Variants in TBC1D22B observed in about 807,000 individuals in gnomAD.
The protein encoded by TBC1D22B is chromosome 6 open reading frame 197.
A neutral mutation model predicts 69.1 loss-of-function variants in TBC1D22B; 32 were observed. That is an observed-to-expected ratio of 0.46 (90% CI 0.35 to 0.62). The LOEUF (loss-of-function observed/expected upper bound fraction) is 0.62, where lower values mean the gene tolerates loss of function less well. TBC1D22B is among the 20% of genes least tolerant of loss of function. The probability of loss-of-function intolerance (pLI) is 0.00; values close to 1 mark genes in which losing one functional copy is unlikely to be tolerated. For missense variants in TBC1D22B, 462 were observed against 630.9 expected, an observed-to-expected ratio of 0.73 and a Z score of 2.87; for synonymous variants, 206 against 229.8, an observed-to-expected ratio of 0.90 and a Z score of 0.94.
chr6:37,259,956 A>G (rs1215288921), intron 1 of TBC1D22B, among the ~76,000 whole-genome samples: 1 of 152,216 alleles, frequency 6.6e-6, no homozygotes, highest in African/African-American at 2.4e-5. Context: ...CAGCAAGTAA[A>G]CATTTAAAAT....
At chr6:37,306,418 C>T (rs1767720679) in intron 8 of TBC1D22B, among the ~76,000 whole-genome samples, 1 of 152,196 alleles carries the variant, frequency 6.6e-6, no homozygotes, top group African/African-American at 2.4e-5. Flanking sequence ...AGCCTGTTCA[C>T]ATCCACAGCG....
chr6:37,275,263 T>C (rs1399522214), intron 2 of TBC1D22B, among the ~76,000 whole-genome samples: 2 of 152,196 alleles, frequency 1.3e-5, no homozygotes, highest in Non-Finnish European at 2.9e-5. Flanking sequence ...AGCCCATGCC[T>C]AGATGTGGCT....
At chr6:37,312,505 C>A (rs887356989) in intron 8 of TBC1D22B, among the ~76,000 whole-genome samples, 4 of 152,156 alleles carry the variant, frequency 2.6e-5, no homozygotes, top group African/African-American at 9.7e-5. Context: ...GCTGTTCTCC[C>A]TATATATGAG....
intron 3 of TBC1D22B, among the ~76,000 whole-genome samples, chr6:37,281,909 A>C (rs1321201387): frequency 6.6e-6 from 1 of 152,170 alleles, no homozygotes; most frequent in African/African-American, 2.4e-5. Flanking sequence ...AGAGTCACCA[A>C]AAAAGTTCTC....
At position 37,330,222 on chromosome 6, in the gene TBC1D22B, C is replaced by CTTTTTTTTTTTT. The variant is rs67372032; in HGVS notation, c.1390-798_1390-787dup. Reference sequence around the variant, plus strand: ...GATGTTATAAATATTTTGTCCGTTTCTTTTTTTTTTTTTTTTTTTTTTTTT... The same window carrying CTTTTTTTTTTTT: ...GATGTTATAAATATTTTGTCCGTTTCTTTTTTTTTTTTTTTTTTTTTTTTTTTTTTTTTTTTT... On this transcript the variant is annotated intron_variant, in intron 12 of 12. Coordinates refer to ENST00000373491, the MANE Select transcript of TBC1D22B (RefSeq NM_017772.4). 2.5e-4 allele frequency among the ~76,000 whole-genome samples: 19 copies of CTTTTTTTTTTTT among 75,570 alleles called. 1 individual carries two copies. Among genetic ancestry groups the CTTTTTTTTTTTT allele is most frequent in the South Asian group, 4.9e-4 (1 of 2,060 alleles). The allele number at this position is 75,570 out of a possible 152,430, so 49.6% of individuals were successfully genotyped here.
At chr6:37,326,190 G>A (rs183536324) in intron 12 of TBC1D22B, among the ~76,000 whole-genome samples, 2 of 151,742 alleles carry the variant, frequency 1.3e-5, no homozygotes, top group East Asian at 2.0e-4. Context: ...GACCATCCTG[G>A]CCAACATGGT....
chr6:37,320,024 G>A (rs1768195033), intron 12 of TBC1D22B, among the ~76,000 whole-genome samples: 3 of 152,166 alleles, frequency 2.0e-5, no homozygotes, highest in Admixed American at 2.0e-4. Context: ...GAAGTTTTAG[G>A]GCTAAAAGCC....
chr6:37,331,401 A>C lies in TBC1D22B; in HGVS notation c.*229A>C. 3 of 482,106 alleles carry C rather than the reference A, an allele frequency of 6.2e-6. 1 individual carries two copies. The South Asian group carries it at 7.5e-5, about 12-fold the overall frequency. The allele number at this position is 482,106 out of a possible 1,614,324, so 29.9% of individuals were successfully genotyped here. Reference sequence around the variant, plus strand: ...GCGTGGATGGGCCCAGTTCTGGGAGAGGACAGAAAAGGTGGTACAGGGTTG... The same window carrying C: ...GCGTGGATGGGCCCAGTTCTGGGAGCGGACAGAAAAGGTGGTACAGGGTTG... On this transcript the variant is annotated 3_prime_UTR_variant, in exon 13 of 13. Transcript: ENST00000373491.
chr6:37,271,972 A>G (rs190985619), intron 2 of TBC1D22B, among the ~76,000 whole-genome samples: 8 of 152,058 alleles, frequency 5.3e-5, no homozygotes, highest in Non-Finnish European at 1.0e-4. Context: ...CGTAGTAGGC[A>G]GTGAGTAAAT....
intron 2 of TBC1D22B, among the ~76,000 whole-genome samples, chr6:37,275,895 C>T (rs1269171754): frequency 6.6e-6 from 1 of 151,812 alleles, no homozygotes; most frequent in African/African-American, 2.4e-5. Flanking sequence ...TGTGGATTCT[C>T]TGCCTTCTCT....
intron 8 of TBC1D22B, among the ~76,000 whole-genome samples, chr6:37,298,303 A>G (rs970762682): frequency 9.9e-5 from 15 of 152,160 alleles, no homozygotes; most frequent in Non-Finnish European, 5.9e-5. Flanking sequence ...ACCTTTTCCT[A>G]TGTATGGATG....
rs1055188285 is a variant in TBC1D22B, at chr6:37,332,510, T to C, written c.*1338T>C. The C allele has an allele frequency of 3.9e-5, 6 of 152,586 alleles. No individual in the cohort carries two copies. Among genetic ancestry groups the C allele is most frequent in the Non-Finnish European group, 5.9e-5 (4 of 68,116 alleles). 9.5% of individuals were successfully genotyped at this position (152,586 alleles called of 1,614,324 possible). A position where few individuals can be genotyped will look rare whatever the true frequency, so the allele number is the denominator to read the frequency against. On this transcript the variant is annotated 3_prime_UTR_variant, in exon 13 of 13. Transcript: ENST00000373491. ...GTGTGTCCCTCGGGTTTGGGGCTCT[T>C]CTCAGAGAGCAGCACTCCATATCCC... is the stretch of plus-strand genomic sequence containing the variant.
chr6:37,317,010 G>A (rs779796731), intron 11 of TBC1D22B, 101 bp from the exon 12 acceptor site: 64 of 1,461,492 alleles, frequency 4.4e-5, no homozygotes, highest in African/African-American at 3.5e-4. Context: ...CTCCCCAACC[G>A]TGAAAGAGTT....
intron 8 of TBC1D22B, among the ~76,000 whole-genome samples, chr6:37,307,521 A>G (rs1767764294): frequency 6.6e-6 from 1 of 151,916 alleles, no homozygotes; most frequent in African/African-American, 2.4e-5. Context: ...ATGCCCGGCT[A>G]ATTTTTATAT....
intron 8 of TBC1D22B, among the ~76,000 whole-genome samples, chr6:37,305,134 C>T (rs984308876): frequency 6.6e-6 from 1 of 152,148 alleles, no homozygotes; most frequent in Non-Finnish European, 1.5e-5. Flanking sequence ...GTGCTCGCCC[C>T]CCACGCTCAG....
intron 2 of TBC1D22B, among the ~76,000 whole-genome samples, chr6:37,278,866 A>C (rs1226936856): frequency 1.3e-5 from 2 of 152,102 alleles, no homozygotes; most frequent in African/African-American, 2.4e-5. Flanking sequence ...CCAGGAGGTC[A>C]AGGCTGCAGA....
intron 2 of TBC1D22B, among the ~76,000 whole-genome samples, chr6:37,271,475 A>G (rs952524209): frequency 1.6e-4 from 25 of 152,132 alleles, no homozygotes; most frequent in African/African-American, 5.8e-4. Context: ...CAAATGTACC[A>G]CTGTGGTGGC....
chr6:37,328,721 T>G (rs927636918), intron 12 of TBC1D22B, among the ~76,000 whole-genome samples: 13 of 151,670 alleles, frequency 8.6e-5, no homozygotes, highest in Non-Finnish European at 1.8e-4. Flanking sequence ...TATTTTCTGT[T>G]TTTTTTTTAC....
intron 12 of TBC1D22B, chr6:37,324,153 AAAG>A (rs1768328618): frequency 2.7e-6 from 1 of 369,064 alleles, no homozygotes; most frequent in Admixed American, 3.3e-5. Context: ...ATTTGCAAAG[AAAG>A]TTCCAGTACT....
Sources: allele counts gnomAD v4.1 joint callset (sites outside exome capture counted in the v4.1 genomes callset), GRCh38; gene constraint gnomAD v4.1.1; transcripts MANE v1.5; gene names NCBI Gene and HGNC (gene_info 2026-07-23, HGNC 2026-07-21).